Variants in VPS13B observed in about 807,000 individuals in gnomAD.
VPS13B encodes the protein intermembrane lipid transfer protein VPS13B.
Under a neutral mutation model 426.4 loss-of-function variants are expected in VPS13B, and 285 were observed. The ratio of observed to expected loss-of-function variants is 0.67; its 90% CI spans 0.61 to 0.74. The LOEUF (loss-of-function observed/expected upper bound fraction) is 0.74. Ranked by LOEUF, VPS13B falls within the 30% of genes least tolerant of loss-of-function variation. The pLI is 0.00. For missense variants in VPS13B, 4,537 were observed against 4,782.6 expected (o/e 0.95, Z 1.51); for synonymous variants, 1,676 against 1,676.4 (o/e 1.00, Z 0.01).
chr8:99,733,963 ATTTTGGAATAT>A (rs1290758349), intron 39 of VPS13B, among the ~76,000 whole-genome samples: 1 of 152,148 alleles, frequency 6.6e-6, no homozygotes, highest in African/African-American at 2.4e-5. Flanking sequence ...ACCAGAATCA[ATTTTGGAATAT>A]TTTTATCACC....
chr8:99,159,551 C>A (rs915986647), intron 15 of VPS13B, among the ~76,000 whole-genome samples: 2 of 152,316 alleles, frequency 1.3e-5, no homozygotes, highest in East Asian at 3.9e-4. Flanking sequence ...CTAGCCCCAC[C>A]ACTTTTAGCA....
chr8:99,674,519 T>C lies in VPS13B; in HGVS notation c.6046+13028T>C, dbSNP rs185879761. 2.1e-4 allele frequency among the ~76,000 whole-genome samples: 32 copies of C among 152,218 alleles called. 1 individual carries two copies. The highest frequency in any genetic ancestry group is 7.2e-4 in the African/African-American group (30 of 41,570). ...CAGCATATAGTTGGGTGTGTTTTTA[T>C]AATCTATTAATTTGCTCTTTCTTTT... is the stretch of plus-strand genomic sequence containing the variant. On this transcript the variant is annotated intron_variant, in intron 35 of 61. Transcript: ENST00000357162.
Position 99,416,169 on chromosome 8 carries a change from G to C in VPS13B, c.3083-15368G>C, listed in dbSNP as rs569636851. Among the ~76,000 whole-genome samples, 3 of 152,202 alleles carry C rather than the reference G, an allele frequency of 2.0e-5. No individual in the cohort carries two copies. In the East Asian group the frequency reaches 5.8e-4, roughly 29 times the overall value. ...GCCACAGTGGCTTTGTGGTGCTGCA[G>C]TGGGCTCTTCCCAGTTCAGACTTCC... is the stretch of plus-strand genomic sequence containing the variant. On this transcript the variant is annotated intron_variant, in intron 21 of 61. Transcript: ENST00000357162.
At position 99,699,569 on chromosome 8, in the gene VPS13B, A is replaced by G; in HGVS notation, c.6091A>G (p.Ser2031Gly). 1.2e-6 allele frequency: 2 copies of G among 1,614,082 alleles called. No individual in the cohort carries two copies. The highest frequency in any genetic ancestry group is 1.7e-6 in the Non-Finnish European group (2 of 1,180,012). Residue 2031 changes from serine to glycine, a missense_variant, in exon 36 of 62, where the codon AGT (serine) becomes GGT (glycine). By Grantham distance (56) the Ser-to-Gly change is moderately conservative. Coordinates refer to ENST00000357162, the MANE Select transcript of VPS13B (RefSeq NM_152564.5). ...ATCAAAGCCTTTGAAAGCAAACCTGAGTTTCACCAAACTGGATCAGATAAA... is the reference window on the plus strand; with the variant it reads ...ATCAAAGCCTTTGAAAGCAAACCTGGGTTTCACCAAACTGGATCAGATAAA... ...DISKPLKANL[S>G]FTKLDQINLF...
At chr8:99,146,409 G>A (rs1317854734) in intron 13 of VPS13B, among the ~76,000 whole-genome samples, 1 of 152,132 alleles carries the variant, frequency 6.6e-6, no homozygotes, top group South Asian at 2.1e-4. Context: ...ATTTCCCACT[G>A]TCAGTACCAT....
intron 33 of VPS13B, among the ~76,000 whole-genome samples, chr8:99,591,688 C>G (rs865930143): frequency 1.3e-5 from 2 of 152,210 alleles, no homozygotes; most frequent in African/African-American, 4.8e-5. Flanking sequence ...CCCCCACTCT[C>G]TTCTGACTTG....
At chr8:99,650,270 C>T (rs1212804715) in intron 34 of VPS13B, among the ~76,000 whole-genome samples, 3 of 152,090 alleles carry the variant, frequency 2.0e-5, no homozygotes, top group Non-Finnish European at 4.4e-5. Flanking sequence ...CTTGATTCTT[C>T]CCGTGTCACC....
chr8:99,199,788 A>G (rs747420559), intron 17 of VPS13B, among the ~76,000 whole-genome samples: 1 of 150,644 alleles, frequency 6.6e-6, no homozygotes, highest in African/African-American at 2.4e-5. Flanking sequence ...ACACATTCCT[A>G]CCTTTTTTTC....
chr8:99,349,369 T>C (rs993809240), intron 19 of VPS13B, among the ~76,000 whole-genome samples: 1 of 148,922 alleles, frequency 6.7e-6, no homozygotes, highest in African/African-American at 2.5e-5. Context: ...AATAGCATGC[T>C]TTTTCTTTCT....
intron 36 of VPS13B, among the ~76,000 whole-genome samples, chr8:99,706,241 C>T (rs2130235242): frequency 6.6e-6 from 1 of 152,212 alleles, no homozygotes; most frequent in Admixed American, 6.5e-5. Flanking sequence ...TCCTGGATTT[C>T]AGTGTTTGAA....
At chr8:99,214,660 G>C (rs77957774) in intron 17 of VPS13B, among the ~76,000 whole-genome samples, 1,694 of 152,134 alleles carry the variant, frequency 0.011, 35 homozygotes, top group Non-Finnish European at 0.012. Context: ...ACCAGGTGTT[G>C]TCCAATTTAT....
intron 35 of VPS13B, among the ~76,000 whole-genome samples, chr8:99,665,122 A>C (rs1475287259): frequency 1.3e-5 from 2 of 152,146 alleles, no homozygotes; most frequent in African/African-American, 4.8e-5. Context: ...TCTTCTTTTG[A>C]GAAGTGTCTG....
At chr8:99,156,513 C>T in intron 14 of VPS13B, 36 bp from the exon 15 acceptor site, 1 of 1,609,508 alleles carries the variant, frequency 6.2e-7, no homozygotes, top group South Asian at 1.1e-5. Context: ...CACTGCTCCA[C>T]TTTTAAAATA....
intron 25 of VPS13B, among the ~76,000 whole-genome samples, chr8:99,488,120 T>G (rs1289838916): frequency 1.3e-5 from 2 of 152,186 alleles, no homozygotes; most frequent in Non-Finnish European, 2.9e-5. Context: ...TGAAGTATTT[T>G]TAAAGATACT....
chr8:99,403,127 G>A (rs956994856), intron 21 of VPS13B, among the ~76,000 whole-genome samples: 1 of 152,176 alleles, frequency 6.6e-6, no homozygotes, highest in Admixed American at 6.5e-5. Flanking sequence ...TAGAACCAGA[G>A]ATTCCACATT....
At chr8:99,312,106 T>C (rs1018778080) in intron 19 of VPS13B, among the ~76,000 whole-genome samples, 1 of 152,220 alleles carries the variant, frequency 6.6e-6, no homozygotes, top group African/African-American at 2.4e-5. Flanking sequence ...AGCACACTGA[T>C]GGGACTTGAC....
chr8:99,841,790 C>A (rs761922169), intron 54 of VPS13B, among the ~76,000 whole-genome samples: 53 of 152,180 alleles, frequency 3.5e-4, no homozygotes, highest in Middle Eastern at 3.2e-3. Flanking sequence ...CTGGGGTCTG[C>A]TTCAGGCCTT....
At chr8:99,060,099 T>TA (rs1300361744) in intron 3 of VPS13B, among the ~76,000 whole-genome samples, 4 of 152,008 alleles carry the variant, frequency 2.6e-5, no homozygotes, top group Admixed American at 6.6e-5. Context: ...GAAAAAGAAG[T>TA]AAAAAAACTA....
chr8:99,753,084 G>A (rs1810479857), intron 39 of VPS13B, among the ~76,000 whole-genome samples: 1 of 151,972 alleles, frequency 6.6e-6, no homozygotes, highest in Admixed American at 6.6e-5. Context: ...TCTGTAAAAT[G>A]GATATACTCT....
Sources: allele counts gnomAD v4.1 joint callset (sites outside exome capture counted in the v4.1 genomes callset), GRCh38; gene constraint gnomAD v4.1.1; transcripts MANE v1.5; gene names NCBI Gene and HGNC (gene_info 2026-07-23, HGNC 2026-07-21).